Variants in BCKDHB observed in about 807,000 individuals in gnomAD.
The protein encoded by BCKDHB is branched chain keto acid dehydrogenase E1 subunit beta, also known as 2-oxoisovalerate dehydrogenase subunit beta, mitochondrial.
Under a neutral mutation model 48.5 loss-of-function variants are expected in BCKDHB, and 41 were observed. The observed-to-expected ratio is 0.85, with a 90% CI of 0.66 to 1.10. The LOEUF is 1.10. Ranked by LOEUF, BCKDHB falls within the 50% of genes least tolerant of loss-of-function variation. The pLI is 0.00. For missense variants in BCKDHB, 496 were observed against 494.2 expected (o/e 1.00, Z -0.03); for synonymous variants, 201 against 174.8 (o/e 1.15, Z -1.18).
chr6:80,191,553 T>TC (rs1158694616), intron 6 of BCKDHB, among the ~76,000 whole-genome samples: 1 of 152,072 alleles, frequency 6.6e-6, no homozygotes, highest in Non-Finnish European at 1.5e-5. Context: ...AGCTACCCCT[T>TC]CCCCCCCTCA....
chr6:80,217,580 C>A (rs1775230253), intron 8 of BCKDHB, among the ~76,000 whole-genome samples: 1 of 152,108 alleles, frequency 6.6e-6, no homozygotes, highest in Admixed American at 6.5e-5. Context: ...CACTAAAACA[C>A]ACAGTACAAT....
At chr6:80,282,544 C>T (rs1253338028) in intron 9 of BCKDHB, among the ~76,000 whole-genome samples, 1 of 151,968 alleles carries the variant, frequency 6.6e-6, no homozygotes, top group Non-Finnish European at 1.5e-5. Flanking sequence ...ATGATTTGTC[C>T]ACTTGATGAA....
the BCKDHB span, among the ~76,000 whole-genome samples, chr6:80,400,799 CAT>C: frequency 1.7e-4 from 26 of 151,954 alleles, no homozygotes; most frequent in African/African-American, 5.5e-4. Context: ...CAATGGCAAA[CAT>C]ATGGAATCAA....
In BCKDHB at chr6:80,161,789, G is replaced by C. The variant is rs140362660; in HGVS notation, c.344-5889G>C. On this transcript the variant is annotated intron_variant, in intron 3 of 9. Transcript: ENST00000320393. ...GTCATTAGCAATAACAGTGGTCTCTGCATAATCTCAGTTTGAAGCATCCTC... is the reference window on the plus strand; with the variant it reads ...GTCATTAGCAATAACAGTGGTCTCTCCATAATCTCAGTTTGAAGCATCCTC... 1.7e-3 allele frequency among the ~76,000 whole-genome samples: 265 copies of C among 152,266 alleles called. 1 individual carries two copies. The highest frequency in any genetic ancestry group is 6.0e-3 in the African/African-American group (251 of 41,540).
At chr6:80,169,901 C>A in intron 5 of BCKDHB, 1 of 1,563,288 alleles carries the variant, frequency 6.4e-7, no homozygotes, top group Non-Finnish European at 8.6e-7. Flanking sequence ...AAGCCATGTG[C>A]GAGGCAAGTT....
chr6:80,327,354 AG>A (rs1769083066), intron 9 of BCKDHB, among the ~76,000 whole-genome samples: 1 of 152,250 alleles, frequency 6.6e-6, no homozygotes, highest in South Asian at 2.1e-4. Flanking sequence ...TGGTTGTATG[AG>A]TAAAGTACGG....
chr6:80,114,065 C>A (rs1371200845), intron 1 of BCKDHB, among the ~76,000 whole-genome samples: 1 of 151,974 alleles, frequency 6.6e-6, no homozygotes, highest in Non-Finnish European at 1.5e-5. Flanking sequence ...AGGAGGGTTG[C>A]AAAGGGAGTG....
intron 9 of BCKDHB, among the ~76,000 whole-genome samples, chr6:80,306,240 A>G (rs1767871140): frequency 6.6e-6 from 1 of 152,238 alleles, no homozygotes; most frequent in African/African-American, 2.4e-5. Flanking sequence ...TTGTATTCAA[A>G]TAGTACATAC....
At chr6:80,264,393 C>T (rs1003289358) in intron 8 of BCKDHB, among the ~76,000 whole-genome samples, 17 of 152,086 alleles carry the variant, frequency 1.1e-4, no homozygotes, top group Middle Eastern at 3.2e-3. Flanking sequence ...ATATAATGTT[C>T]AAATTTTCTT....
chr6:80,200,716 T>A (rs138220813), intron 6 of BCKDHB, among the ~76,000 whole-genome samples: 1 of 152,280 alleles, frequency 6.6e-6, no homozygotes, highest in Admixed American at 6.5e-5. Flanking sequence ...TGTTCCAAGA[T>A]AGCTGATATG....
At chr6:80,411,637 G>A in the BCKDHB span, among the ~76,000 whole-genome samples, 1 of 152,208 alleles carries the variant, frequency 6.6e-6, no homozygotes, top group African/African-American at 2.4e-5. Flanking sequence ...CATCTTCCTG[G>A]CCACCTTGTT....
the BCKDHB span, among the ~76,000 whole-genome samples, chr6:80,425,398 A>T: frequency 7.2e-5 from 11 of 152,222 alleles, no homozygotes; most frequent in Admixed American, 2.6e-4. Context: ...CATCACTGAG[A>T]AATTGTAACA....
rs867033248 is a variant in BCKDHB, at chr6:80,167,783, C to T, written c.449C>T (p.Ala150Val). The change falls in exon 4 of 10, where the codon GCA becomes GTA. Residue 150 changes from alanine (A) to valine (V), a missense_variant. Transcript: ENST00000320393. ...GATAIAEIQF[A>V]DYIFPAFDQI... ...ACTGCCATTGCGGAAATTCAGTTTG[C>T]AGATTATATTTTCCCTGCATTTGAT... is the stretch of plus-strand genomic sequence containing the variant. The T allele has an allele frequency of 2.5e-6, 4 of 1,613,752 alleles. No individual in the cohort carries two copies. The Admixed American group carries it at 6.7e-5, about 27-fold the overall frequency.
intron 8 of BCKDHB, among the ~76,000 whole-genome samples, chr6:80,257,804 A>T (rs1777117026): frequency 6.6e-6 from 1 of 152,034 alleles, no homozygotes; most frequent in Admixed American, 6.6e-5. Context: ...TTGCCCAAGG[A>T]TTGGAGAGGA....
the BCKDHB span, among the ~76,000 whole-genome samples, chr6:80,443,996 G>A: frequency 6.6e-6 from 1 of 151,670 alleles, no homozygotes; most frequent in Non-Finnish European, 1.5e-5. Flanking sequence ...CCTCTATCTA[G>A]TATTAGAAGT....
the BCKDHB span, chr6:80,355,648 AT>A: frequency 7.0e-6 from 1 of 142,956 alleles, no homozygotes; most frequent in African/African-American, 2.7e-5. Flanking sequence ...AACAAATAGT[AT>A]TTTTTTAAAA....
intron 3 of BCKDHB, among the ~76,000 whole-genome samples, chr6:80,143,010 C>T (rs1044360868): frequency 6.6e-6 from 1 of 152,064 alleles, no homozygotes; most frequent in Non-Finnish European, 1.5e-5. Flanking sequence ...TAAATACAGA[C>T]AATTTAGATT....
At chr6:80,310,092 T>C (rs1768080273) in intron 9 of BCKDHB, among the ~76,000 whole-genome samples, 1 of 152,152 alleles carries the variant, frequency 6.6e-6, no homozygotes, top group Non-Finnish European at 1.5e-5. Flanking sequence ...TCTTTTTTTT[T>C]TTTTAATTTC....
the BCKDHB span, among the ~76,000 whole-genome samples, chr6:80,430,974 T>C: frequency 6.6e-6 from 1 of 152,220 alleles, no homozygotes; most frequent in Non-Finnish European, 1.5e-5. Flanking sequence ...TAAATTTCCC[T>C]ATACACTCTG....
Sources: allele counts gnomAD v4.1 joint callset (sites outside exome capture counted in the v4.1 genomes callset), GRCh38; gene constraint gnomAD v4.1.1; transcripts MANE v1.5; gene names NCBI Gene and HGNC (gene_info 2026-07-23, HGNC 2026-07-21).